Variants in CORIN observed in about 807,000 individuals in gnomAD.
CORIN encodes the protein atrial natriuretic peptide-converting enzyme.
In CORIN, 117 loss-of-function variants were observed where a neutral mutation model predicts 125.3. The ratio of observed to expected loss-of-function variants is 0.93; its 90% confidence interval spans 0.80 to 1.09. CORIN has a LOEUF of 1.09. Ranked by LOEUF, CORIN falls within the 50% of genes least tolerant of loss-of-function variation. The pLI, the probability that CORIN is intolerant of heterozygous loss-of-function variation, is 0.00. For missense variants in CORIN, 1,253 were observed against 1,306.7 expected (o/e 0.96, Z 0.63); for synonymous variants, 450 against 466.4 (o/e 0.96, Z 0.45).
chr4:47,660,513 A>C (rs754548858), intron 12 of CORIN, among the ~76,000 whole-genome samples: 23 of 152,236 alleles, frequency 1.5e-4, no homozygotes, highest in Non-Finnish European at 3.4e-4. Context: ...AAAATGGACA[A>C]AAGAGCTGAA....
intron 1 of CORIN, among the ~76,000 whole-genome samples, 188 bp downstream of exon 1, chr4:47,837,699 G>A (rs946615897): frequency 6.6e-6 from 1 of 152,184 alleles, no homozygotes; most frequent in African/African-American, 2.4e-5. Context: ...GACCAGGGCC[G>A]TGCGCCTGGG....
intron 5 of CORIN, among the ~76,000 whole-genome samples, chr4:47,737,257 G>C (rs1213846801): frequency 6.6e-6 from 1 of 152,222 alleles, no homozygotes; most frequent in Non-Finnish European, 1.5e-5. Flanking sequence ...TATGTGCCTA[G>C]TGATCATATA....
At chr4:47,772,057 GCTTC>G in intron 3 of CORIN, among the ~76,000 whole-genome samples, 1 of 150,572 alleles carries the variant, frequency 6.6e-6, no homozygotes, top group African/African-American at 2.5e-5. Flanking sequence ...ATTTTGCCAA[GCTTC>G]AAGCTTTCAC....
intron 17 of CORIN, 52 bp from the exon 18 acceptor site, chr4:47,624,000 C>A: frequency 1.4e-6 from 2 of 1,463,670 alleles, no homozygotes; most frequent in South Asian, 2.3e-5. Flanking sequence ...ATTTCTTGTT[C>A]AATTCAAACA....
intron 4 of CORIN, among the ~76,000 whole-genome samples, chr4:47,746,091 A>G (rs1728650478): frequency 1.3e-5 from 2 of 152,246 alleles, no homozygotes; most frequent in South Asian, 4.1e-4. Context: ...AGACACCCGA[A>G]ATATATTAGA....
intron 19 of CORIN, among the ~76,000 whole-genome samples, chr4:47,617,172 G>C (rs940793432): frequency 6.6e-6 from 1 of 152,196 alleles, no homozygotes; most frequent in Admixed American, 6.5e-5. Context: ...CACAATCAGA[G>C]TAGAAAAGTG....
At chr4:47,728,946 C>G (rs1200127453) in intron 5 of CORIN, among the ~76,000 whole-genome samples, 1 of 152,174 alleles carries the variant, frequency 6.6e-6, no homozygotes, top group Non-Finnish European at 1.5e-5. Flanking sequence ...GTTTTAGGAA[C>G]CACTGTGCCA....
chr4:47,825,285 T>C (rs1425723093), intron 1 of CORIN, among the ~76,000 whole-genome samples: 3 of 152,130 alleles, frequency 2.0e-5, no homozygotes, highest in Non-Finnish European at 4.4e-5. Context: ...TGTGGCCCCC[T>C]CCCCATAGAA....
At chr4:47,828,743 T>C (rs751122405) in intron 1 of CORIN, among the ~76,000 whole-genome samples, 1 of 152,182 alleles carries the variant, frequency 6.6e-6, no homozygotes, top group Non-Finnish European at 1.5e-5. Context: ...TCTCACACCA[T>C]ATAACCCTGT....
intron 2 of CORIN, among the ~76,000 whole-genome samples, chr4:47,800,042 A>G (rs1287221262): frequency 6.6e-6 from 1 of 152,184 alleles, no homozygotes; most frequent in Non-Finnish European, 1.5e-5. Context: ...AGGTACATCT[A>G]CAGTGAAAGA....
At position 47,707,392 on chromosome 4, in the gene CORIN, G is replaced by A. The variant is rs145442458; in HGVS notation, c.800-14309C>T. Reference sequence around the variant, plus strand: ...GAGGCCAAAAACTTCATAAAATGTGGTATAATTCGAAGGAATCCTGGGAGG... The same window carrying A: ...GAGGCCAAAAACTTCATAAAATGTGATATAATTCGAAGGAATCCTGGGAGG... On this transcript the variant is annotated intron_variant, in intron 5 of 21. Coordinates refer to ENST00000273857, the MANE Select transcript of CORIN (RefSeq NM_006587.4). Among the ~76,000 whole-genome samples the A allele has an allele frequency of 9.7e-4, 147 of 152,276 alleles. 1 individual carries two copies. Among genetic ancestry groups the A allele is most frequent in the Middle Eastern group, 3.4e-3 (1 of 294 alleles).
chr4:47,707,965 T>G (rs1043920221), intron 5 of CORIN, among the ~76,000 whole-genome samples: 3 of 152,214 alleles, frequency 2.0e-5, no homozygotes, highest in African/African-American at 7.2e-5. Flanking sequence ...CCTTCATTTT[T>G]CCATAGAACA....
In CORIN at chr4:47,661,714, C is replaced by T. The variant is rs1384220223; in HGVS notation, c.1732G>A (p.Glu578Lys). The stretch of plus-strand genomic sequence containing the variant: ...TGTAATTAATTTTAAAATTAACCTT[C>T]CACATATTCATCAGGCATCAGGCAG... ...QTCLMPDEYV[E>K]ECSPSHFKCR... The change falls in exon 12 of 22, where the codon GAA (glutamate) becomes AAA (lysine). Residue 578 changes from glutamate (E) to lysine (K), a missense_variant. By Grantham distance (56) the Glu-to-Lys change is moderately conservative. Transcript: ENST00000273857. The T allele has an allele frequency of 1.2e-6, 2 of 1,609,514 alleles. No homozygotes were observed. The highest frequency in any genetic ancestry group is 3.3e-5 in the Admixed American group (2 of 59,750).
chr4:47,665,106 G>T lies in CORIN; in HGVS notation c.1515C>A (p.Tyr505Ter). 1 of 1,613,706 alleles carries T rather than the reference G, an allele frequency of 6.2e-7. No homozygotes were observed. Among genetic ancestry groups the T allele is most frequent in the Non-Finnish European group, 8.5e-7 (1 of 1,179,786 alleles). Residue 505 changes from tyrosine to a stop codon, truncating the protein, a stop_gained, in exon 11 of 22, where the codon TAC (tyrosine) becomes TAA (stop). Transcript: ENST00000273857. LOFTEE classifies it high-confidence loss of function. ...AAATGGTGCAAGAAAAGAACATGAGGTATTTATAACAGTTGGTTTGAACAA... is the reference window on the plus strand; with the variant it reads ...AAATGGTGCAAGAAAAGAACATGAGTTATTTATAACAGTTGGTTTGAACAA... ...PALVQTNCYK[Y>*]LMFFSCTILV...
chr4:47,683,439 C>T (rs1342471778), intron 7 of CORIN: 2 of 245,216 alleles, frequency 8.2e-6, no homozygotes, highest in Non-Finnish European at 1.6e-5. Context: ...AGAGGAGAAA[C>T]AGAACACATT....
At chr4:47,805,145 A>T (rs35782978) in intron 2 of CORIN, among the ~76,000 whole-genome samples, 4,959 of 144,038 alleles carry the variant, frequency 0.034, 89 homozygotes, top group Non-Finnish European at 0.044. Context: ...CAAAAAAAAA[A>T]AAAAATAATA....
intron 3 of CORIN, among the ~76,000 whole-genome samples, chr4:47,769,807 A>G (rs1477728024): frequency 6.6e-6 from 1 of 151,978 alleles, no homozygotes. Context: ...AAAACTGGAT[A>G]TAAAGATTTA....
intron 16 of CORIN, among the ~76,000 whole-genome samples, chr4:47,632,728 T>TAGAC (rs1722864380): frequency 9.3e-5 from 10 of 107,396 alleles, no homozygotes; most frequent in South Asian, 2.7e-4. Flanking sequence ...CAATAGATGA[T>TAGAC]AGATAGATAG....
At chr4:47,623,767 A>G in intron 18 of CORIN, 22 bp from the exon 19 acceptor site, 1 of 1,611,520 alleles carries the variant, frequency 6.2e-7, no homozygotes. Flanking sequence ...CAGAAGACAC[A>G]GTTTGTGAGT....
Sources: allele counts gnomAD v4.1 joint callset (sites outside exome capture counted in the v4.1 genomes callset), GRCh38; gene constraint gnomAD v4.1.1; transcripts MANE v1.5; gene names NCBI Gene and HGNC (gene_info 2026-07-23, HGNC 2026-07-21).